Variants in GPR39 observed in about 807,000 individuals in gnomAD.
GPR39 encodes zinc sensing receptor.
GPR39 carries 23 observed loss-of-function variants against 18.4 expected under a neutral mutation model. The ratio of observed to expected loss-of-function variants is 1.25; its 90% CI spans 0.90 to 1.77. The LOEUF is 1.77. GPR39 is among the 40% of genes most tolerant of loss of function. The pLI, the probability that GPR39 is intolerant of heterozygous loss-of-function variation, is 0.00. For synonymous variants in GPR39, 280 were observed against 257.9 expected (o/e 1.09, Z -0.82); for missense variants, 647 against 602.4 (o/e 1.07, Z -0.78).
chr2:132,451,691 G>C (rs566883325), intron 1 of GPR39, among the ~76,000 whole-genome samples: 23 of 152,048 alleles, frequency 1.5e-4, no homozygotes, highest in African/African-American at 5.3e-4. Flanking sequence ...ATTTACCTTT[G>C]GGCTGTTAAA....
intron 1 of GPR39, among the ~76,000 whole-genome samples, chr2:132,486,669 C>T (rs1448145182): frequency 1.3e-5 from 2 of 152,246 alleles, no homozygotes; most frequent in African/African-American, 4.8e-5. Flanking sequence ...TTACTTCCCT[C>T]AGCCTTCATA....
At chr2:132,427,116 A>T (rs1215149889) in intron 1 of GPR39, among the ~76,000 whole-genome samples, 2 of 81,456 alleles carry the variant, frequency 2.5e-5, no homozygotes, top group Non-Finnish European at 2.5e-5. Flanking sequence ...TATATATAAT[A>T]TACATATATA....
At chr2:132,479,396 T>C (rs1681189907) in intron 1 of GPR39, among the ~76,000 whole-genome samples, 1 of 152,124 alleles carries the variant, frequency 6.6e-6, no homozygotes, top group African/African-American at 2.4e-5. Flanking sequence ...GAGCTGTAAA[T>C]ATTTGCAGAA....
At chr2:132,546,899 G>A (rs1679960919) in intron 1 of GPR39, among the ~76,000 whole-genome samples, 1 of 147,120 alleles carries the variant, frequency 6.8e-6, no homozygotes, top group Non-Finnish European at 1.5e-5. Context: ...ATGAAGGGGA[G>A]GGAAGGAGGA....
rs147077400 is a variant in GPR39, at chr2:132,469,687, G to A, written c.856+51789G>A. On this transcript the variant is annotated intron_variant, in intron 1 of 1. Coordinates refer to ENST00000329321, the MANE Select transcript of GPR39 (RefSeq NM_001508.3). ...AGTGCAATCAGCAGCCTTCACTCCC[G>A]CAGGGAGGGTCTCAATCCAGTGGCT... Among the ~76,000 whole-genome samples, 111 of 152,234 alleles carry A rather than the reference G, an allele frequency of 7.3e-4. 1 individual carries two copies. The highest frequency in any genetic ancestry group is 3.4e-3 in the Middle Eastern group (1 of 294).
intron 1 of GPR39, among the ~76,000 whole-genome samples, chr2:132,561,517 A>G (rs982189123): frequency 2.0e-5 from 3 of 152,034 alleles, no homozygotes; most frequent in Non-Finnish European, 2.9e-5. Context: ...GCCACACATT[A>G]GAATCAGTTG....
intron 1 of GPR39, among the ~76,000 whole-genome samples, chr2:132,626,381 C>G (rs1302535650): frequency 6.6e-6 from 1 of 152,182 alleles, no homozygotes; most frequent in Non-Finnish European, 1.5e-5. Flanking sequence ...AGTGGCTCAG[C>G]GAGCAGCCTC....
intron 1 of GPR39, among the ~76,000 whole-genome samples, chr2:132,427,977 A>G (rs1680159268): frequency 1.4e-5 from 2 of 147,392 alleles, no homozygotes; most frequent in South Asian, 4.2e-4. Context: ...ATTTAAATAT[A>G]TATATATTTA....
chr2:132,628,499 A>T (rs1460312772), intron 1 of GPR39, among the ~76,000 whole-genome samples: 1 of 152,142 alleles, frequency 6.6e-6, no homozygotes, highest in Non-Finnish European at 1.5e-5. Flanking sequence ...TCCAGAAAAT[A>T]ATTGGGCTGT....
At chr2:132,482,299 A>G (rs1681250191) in intron 1 of GPR39, among the ~76,000 whole-genome samples, 1 of 151,852 alleles carries the variant, frequency 6.6e-6, no homozygotes, top group Admixed American at 6.6e-5. Context: ...TTCATTTTTG[A>G]CCCAGTGTTC....
chr2:132,573,316 G>A (rs1680475116), intron 1 of GPR39, among the ~76,000 whole-genome samples: 1 of 152,158 alleles, frequency 6.6e-6, no homozygotes, highest in Non-Finnish European at 1.5e-5. Flanking sequence ...GGAAGCTTTG[G>A]AGATCCCCCA....
chr2:132,555,061 C>T (rs1481076676), intron 1 of GPR39, among the ~76,000 whole-genome samples: 1 of 152,060 alleles, frequency 6.6e-6, no homozygotes, highest in Non-Finnish European at 1.5e-5. Flanking sequence ...AAGCGATTCT[C>T]CTGCCTCAGC....
intron 1 of GPR39, among the ~76,000 whole-genome samples, chr2:132,520,565 G>C (rs1050097384): frequency 3.9e-5 from 6 of 152,228 alleles, no homozygotes; most frequent in Non-Finnish European, 7.3e-5. Context: ...CTGATGATGA[G>C]ACTAAGTCTT....
At chr2:132,426,736 G>T (rs1156272900) in intron 1 of GPR39, among the ~76,000 whole-genome samples, 2 of 152,318 alleles carry the variant, frequency 1.3e-5, no homozygotes, top group African/African-American at 4.8e-5. Flanking sequence ...CAAGCAGAGG[G>T]TTTAACACTC....
intron 1 of GPR39, among the ~76,000 whole-genome samples, chr2:132,500,877 T>C (rs1679016892): frequency 6.6e-6 from 1 of 152,114 alleles, no homozygotes; most frequent in Non-Finnish European, 1.5e-5. Context: ...AATGTGTTCA[T>C]AGTAGCCTTG....
chr2:132,587,419 G>A (rs552623132), intron 1 of GPR39, among the ~76,000 whole-genome samples: 1 of 152,226 alleles, frequency 6.6e-6, no homozygotes, highest in Non-Finnish European at 1.5e-5. Context: ...GCCAGTGTTA[G>A]TGTTAAGGTC....
At chr2:132,496,854 G>T (rs1399394108) in intron 1 of GPR39, among the ~76,000 whole-genome samples, 1 of 152,180 alleles carries the variant, frequency 6.6e-6, no homozygotes, top group African/African-American at 2.4e-5. Context: ...AGCTCTGATG[G>T]CTCCATGGTG....
intron 1 of GPR39, among the ~76,000 whole-genome samples, chr2:132,545,057 G>A (rs749486605): frequency 1.3e-5 from 2 of 152,230 alleles, no homozygotes; most frequent in Non-Finnish European, 2.9e-5. Flanking sequence ...GGATTTATCC[G>A]AGACTTGTAG....
chr2:132,418,786 A>G (rs904341946), intron 1 of GPR39, among the ~76,000 whole-genome samples: 44 of 152,226 alleles, frequency 2.9e-4, no homozygotes, highest in African/African-American at 1.0e-3. Context: ...TGTGTGAACA[A>G]AGGGTTTTAA....
Sources: gnomAD v4.1 joint callset for allele counts (sites outside exome capture counted in the v4.1 genomes callset) on GRCh38, gnomAD v4.1.1 for gene constraint, MANE v1.5 for transcripts, NCBI Gene and HGNC (gene_info 2026-07-23, HGNC 2026-07-21) for gene names.